The following CDCA5 variants were observed in gnomAD, a reference collection of about 807,000 sequenced individuals.
CDCA5 encodes cell division cycle associated 5.
Under a neutral mutation model 25.7 loss-of-function variants are expected in CDCA5, and 14 were observed. That is an observed-to-expected ratio of 0.54 (90% confidence interval 0.36 to 0.85). The LOEUF (loss-of-function observed/expected upper bound fraction) is 0.85. CDCA5 is among the 40% of genes least tolerant of loss of function. CDCA5 has a pLI of 0.01. For missense variants in CDCA5, 307 were observed against 324.5 expected, an observed-to-expected ratio of 0.95 and a Z score of 0.41; for synonymous variants, 127 against 128.7, an observed-to-expected ratio of 0.99 and a Z score of 0.09.
At chr11:65,066,884 G>A in intron 4 of CDCA5, 1 of 1,289,262 alleles carries the variant, frequency 7.8e-7, no homozygotes, top group Non-Finnish European at 1.0e-6. Context: ...CGAAGCCTAG[G>A]GTTGAAAAAC....
Position 65,083,727 on chromosome 11 carries a change from G to A in CDCA5, c.47-4C>T. The A allele has an allele frequency of 6.2e-7, 1 of 1,608,644 alleles. No homozygotes were observed. Among genetic ancestry groups the A allele is most frequent in the Non-Finnish European group, 8.5e-7 (1 of 1,178,294 alleles). On this transcript the variant is annotated splice_polypyrimidine_tract_variant and splice_region_variant and intron_variant, in intron 1 of 5. Transcript: ENST00000275517. ...GTAGGAGATGGGGCCCTTGGCCCTG[G>A]AAAGAGAAAAAAGTTAAGTGGTAGA...
intron 1 of CDCA5, among the ~76,000 whole-genome samples, chr11:65,071,348 C>CTT (rs763489252): frequency 7.3e-6 from 1 of 137,602 alleles, no homozygotes. Flanking sequence ...ACAGTTATTC[C>CTT]TTTTTTTTTT....
At chr11:65,077,303 G>T (rs1411981360), downstream of CDCA5, 1 of 198,280 alleles carries the variant, frequency 5.0e-6, no homozygotes, top group Non-Finnish European at 9.1e-6. Flanking sequence ...AAAAAAAAGT[G>T]TGTGGGGCAC....
At chr11:65,079,890 AC>A in intron 4 of CDCA5, 103 bp from the exon 5 acceptor site, 5 of 776,930 alleles carry the variant, frequency 6.4e-6, no homozygotes, top group African/African-American at 2.0e-5. Flanking sequence ...CAGGACACAC[AC>A]TTTTTTTTTT....
chr11:65,075,580 G>A (rs1174878322), downstream of CDCA5, among the ~76,000 whole-genome samples: 3 of 152,012 alleles, frequency 2.0e-5, no homozygotes, highest in Middle Eastern at 3.2e-3. Flanking sequence ...GGATGGGGCT[G>A]GCCACATGGG....
chr11:65,069,383 C>CA (rs1329802069), intron 1 of CDCA5, among the ~76,000 whole-genome samples: 5 of 152,126 alleles, frequency 3.3e-5, no homozygotes, highest in Non-Finnish European at 7.3e-5. Flanking sequence ...TCTAGATCCC[C>CA]ATGGACTTGT....
In CDCA5 at chr11:65,078,867, G is replaced by A. The variant is rs1254408557; in HGVS notation, c.*240C>T. 8.2e-7 allele frequency: 1 copy of A among 1,226,270 alleles called. No individual in the cohort carries two copies. Among genetic ancestry groups the A allele is most frequent in the Admixed American group, 4.0e-5 (1 of 25,138 alleles). 76.0% of individuals were successfully genotyped at this position (1,226,270 alleles called of 1,614,324 possible). On this transcript the variant is annotated 3_prime_UTR_variant, in exon 6 of 6. Transcript: ENST00000275517. ...TATGGTACTTTGGGGAGATAGGAAG[G>A]ACAGGACGACAAGAGACAGGACACC...
Position 65,078,729 on chromosome 11 carries a change from A to T in CDCA5, c.*378T>A. ...AGAGCCCCTGGGCCTATTTCCAAGCAGCCACCCCTCCCAACAAGAGCAGAG... is the reference window on the plus strand; with the variant it reads ...AGAGCCCCTGGGCCTATTTCCAAGCTGCCACCCCTCCCAACAAGAGCAGAG... On this transcript the variant is annotated 3_prime_UTR_variant, in exon 6 of 6. Transcript: ENST00000275517. 2.0e-6 allele frequency: 2 copies of T among 1,020,784 alleles called. No homozygotes were observed. The highest frequency in any genetic ancestry group is 2.3e-6 in the Non-Finnish European group (2 of 853,726). The allele number at this position is 1,020,784 out of a possible 1,614,324, so 63.2% of individuals were successfully genotyped here.
At chr11:65,064,394 G>A (rs1363350954), downstream of CDCA5, among the ~76,000 whole-genome samples, 1 of 148,874 alleles carries the variant, frequency 6.7e-6, no homozygotes, top group Admixed American at 6.8e-5. Context: ...CTGTAGCGTG[G>A]GCGACAGAAC....
downstream of CDCA5, among the ~76,000 whole-genome samples, chr11:65,061,977 A>G (rs183925878): frequency 7.5e-3 from 1,018 of 136,444 alleles, 17 homozygotes; most frequent in African/African-American, 0.027. Context: ...CTGGAGTGCA[A>G]TGGCGCGATC....
Position 65,080,229 on chromosome 11 carries a change from G to GA in CDCA5, c.244-443dup, listed in dbSNP as rs919939312. 4.6e-5 allele frequency among the ~76,000 whole-genome samples: 7 copies of GA among 152,124 alleles called. 1 individual carries two copies. Among genetic ancestry groups the GA allele is most frequent in the Admixed American group, 4.6e-4 (7 of 15,268 alleles). ...TTAAGGAAGGGACAAATCAGACCCT[G>GA]AAAGAGACATGGAGAGAAGAAAACA... On this transcript the variant is annotated intron_variant, in intron 4 of 5. Transcript: ENST00000275517.
At chr11:65,064,397 G>A (rs182043058), downstream of CDCA5, among the ~76,000 whole-genome samples, 295 of 127,780 alleles carry the variant, frequency 2.3e-3, no homozygotes, top group Non-Finnish European at 2.9e-3. Flanking sequence ...TAGCGTGGGC[G>A]ACAGAACAAG....
chr11:65,069,354 C>A (rs1947299116), intron 1 of CDCA5, among the ~76,000 whole-genome samples: 1 of 151,812 alleles, frequency 6.6e-6, no homozygotes, highest in African/African-American at 2.4e-5. Flanking sequence ...TCCTTCTTCA[C>A]ACTGAGTCCA....
downstream of CDCA5, chr11:65,066,356 C>T (rs1295571899): frequency 8.5e-7 from 1 of 1,180,174 alleles, no homozygotes; most frequent in African/African-American, 1.6e-5. Context: ...GGAGCGGCCT[C>T]CCGAGGAGGT....
Position 65,081,438 on chromosome 11 carries a change from A to C in CDCA5, c.244-1651T>G, listed in dbSNP as rs183711096. Among the ~76,000 whole-genome samples the C allele has an allele frequency of 5.9e-5, 9 of 151,910 alleles. No individual in the cohort carries two copies. In the East Asian group the frequency reaches 9.7e-4, roughly 16 times the overall value. ...GCGAGACTCCATCTCAAAAAAAAAA[A>C]ACACAGGGAAGCTGAACAAATTGGT... On this transcript the variant is annotated intron_variant, in intron 4 of 5. Coordinates refer to ENST00000275517, the MANE Select transcript of CDCA5 (RefSeq NM_080668.4).
In CDCA5 at chr11:65,077,633, G is replaced by C; in HGVS notation, c.*1474C>G. 1.0e-6 allele frequency: 1 copy of C among 985,492 alleles called. No homozygotes were observed. Among genetic ancestry groups the C allele is most frequent in the Non-Finnish European group, 1.2e-6 (1 of 829,964 alleles). The allele number at this position is 985,492 out of a possible 1,614,324, so 61.0% of individuals were successfully genotyped here. On this transcript the variant is annotated 3_prime_UTR_variant, in exon 6 of 6. Transcript: ENST00000275517. ...ATTTCCCAAGAGTTCTGCTGCATCA[G>C]CCAGTGAGGACAAGAGTTCTTCAGT...
chr11:65,066,929 G>A, intron 4 of CDCA5: 1 of 1,255,946 alleles, frequency 8.0e-7, no homozygotes, highest in Non-Finnish European at 1.0e-6. Flanking sequence ...TTTTGTTCCA[G>A]GCAGCACTCC....
Position 65,078,767 on chromosome 11 carries a change from T to C in CDCA5, c.*340A>G. On this transcript the variant is annotated 3_prime_UTR_variant, in exon 6 of 6. Coordinates refer to ENST00000275517, the MANE Select transcript of CDCA5 (RefSeq NM_080668.4). ...AACAAGAGCAGAGGTGCCTCTCACC[T>C]CAACCCTCAGCCCTTTAACTTCTGG... is the stretch of plus-strand genomic sequence containing the variant. 2 of 1,063,934 alleles carry C rather than the reference T, an allele frequency of 1.9e-6. No individual in the cohort carries two copies. The highest frequency in any genetic ancestry group is 2.3e-6 in the Non-Finnish European group (2 of 881,320). The allele number at this position is 1,063,934 out of a possible 1,614,324, so 65.9% of individuals were successfully genotyped here. A position where few individuals can be genotyped will look rare whatever the true frequency, so the allele number is the denominator to read the frequency against.
rs772092109 is a variant in CDCA5 at position 65,083,335 on chromosome 11, CTTAA to C, written c.243+25_243+28del. ...CAGCTCTAGAGTGACCCAGATTCTA[CTTAA>C]TTAAGTAGATGAAAGTGAACTCACC... On this transcript the variant is annotated intron_variant, in intron 4 of 5. Transcript: ENST00000275517. 9 of 1,613,650 alleles carry C rather than the reference CTTAA, an allele frequency of 5.6e-6. No individual in the cohort carries two copies. The East Asian group carries it at 8.9e-5, about 16-fold the overall frequency.
Sources: allele counts gnomAD v4.1 joint callset (sites outside exome capture counted in the v4.1 genomes callset), GRCh38; gene constraint gnomAD v4.1.1; transcripts MANE v1.5; gene names NCBI Gene and HGNC (gene_info 2026-07-23, HGNC 2026-07-21).